KLC4: variants seen among roughly 807,000 people sequenced by gnomAD.
The protein encoded by KLC4 is kinesin-like protein 8.
A neutral mutation model predicts 77.2 loss-of-function variants in KLC4; 49 were observed. That is an observed-to-expected ratio of 0.63 (90% CI 0.50 to 0.80). The LOEUF is 0.80. Ranked by LOEUF, KLC4 falls within the 30% of genes least tolerant of loss-of-function variation. The pLI is 0.00. For missense variants in KLC4, 669 were observed against 793.5 expected (o/e 0.84, Z 1.89); for synonymous variants, 274 against 314.5 (o/e 0.87, Z 1.36).
chr6:43,064,333 G>A (rs1297085400), intron 3 of KLC4, among the ~76,000 whole-genome samples: 1 of 152,188 alleles, frequency 6.6e-6, no homozygotes, highest in African/African-American at 2.4e-5. Context: ...CAGGGAGCCT[G>A]GGCAACATAG....
chr6:43,073,996 G>C (rs1765855499), intron 15 of KLC4, 31 bp downstream of exon 15: 1 of 1,559,878 alleles, frequency 6.4e-7, no homozygotes, highest in African/African-American at 1.4e-5. Flanking sequence ...CATATTGGTG[G>C]GTGAGGAAAA....
intron 2 of KLC4, chr6:43,062,560 C>T (rs571807916): frequency 1.5e-5 from 4 of 264,922 alleles, no homozygotes; most frequent in East Asian, 9.9e-5. Flanking sequence ...TTACTTTGAG[C>T]GAGATGGAAA....
intron 14 of KLC4, 79 bp downstream of exon 14, chr6:43,073,417 G>A (rs937754434): frequency 2.3e-5 from 22 of 949,690 alleles, no homozygotes; most frequent in Non-Finnish European, 3.6e-5. Flanking sequence ...TTGGGAGGCC[G>A]AGGCGGGTGG....
Position 43,074,919 on chromosome 6 carries a change from G to T in KLC4, c.*247G>T. 1.9e-6 allele frequency: 1 copy of T among 528,792 alleles called. No individual in the cohort carries two copies. The highest frequency in any genetic ancestry group is 3.4e-6 in the Non-Finnish European group (1 of 292,646). 32.8% of individuals were successfully genotyped at this position (528,792 alleles called of 1,614,324 possible). On this transcript the variant is annotated 3_prime_UTR_variant, in exon 16 of 16. Transcript: ENST00000347162. ...TAGCTAGCTCTGAGGCCCCAAGGTG[G>T]GTACAAAGCAGGTATGGCCCTCAGA...
intron 4 of KLC4, 96 bp from the exon 5 acceptor site, chr6:43,066,210 G>A (rs1765411943): frequency 9.7e-7 from 1 of 1,026,352 alleles, no homozygotes; most frequent in Non-Finnish European, 1.5e-6. Context: ...GGTTGGGGTG[G>A]GCACAAGTAT....
chr6:43,074,537 G>GT (rs1765885841), intron 15 of KLC4, 85 bp from the exon 16 acceptor site: 2 of 1,123,124 alleles, frequency 1.8e-6, no homozygotes, highest in Non-Finnish European at 2.7e-6. Flanking sequence ...GAGATACACT[G>GT]TGACCATGGG....
At chr6:43,070,315 C>A in intron 6 of KLC4, 39 bp from the exon 7 acceptor site, 1 of 1,477,206 alleles carries the variant, frequency 6.8e-7, no homozygotes, top group Non-Finnish European at 9.5e-7. Flanking sequence ...AGGTCTTTTG[C>A]AACCCAAATG....
chr6:43,063,245 C>G (rs539122466), intron 3 of KLC4, 98 bp downstream of exon 3: 1 of 854,280 alleles, frequency 1.2e-6, no homozygotes, highest in Admixed American at 2.6e-5. Flanking sequence ...TCCATCAGCT[C>G]TACCCAACCT....
intron 6 of KLC4, among the ~76,000 whole-genome samples, chr6:43,068,272 G>T (rs1157524916): frequency 6.6e-6 from 1 of 151,300 alleles, no homozygotes; most frequent in African/African-American, 2.4e-5. Context: ...AGGAGTTCAA[G>T]ACCATCCTGG....
intron 7 of KLC4, 82 bp from the exon 8 acceptor site, chr6:43,070,610 G>A (rs1765668632): frequency 2.0e-6 from 3 of 1,494,742 alleles, no homozygotes; most frequent in East Asian, 2.3e-5. Flanking sequence ...TTCCACATGT[G>A]TGTGCCTACA....
chr6:43,060,240 T>G, intron 1 of KLC4: 2 of 1,614,114 alleles, frequency 1.2e-6, no homozygotes, highest in Non-Finnish European at 1.7e-6. Flanking sequence ...AGTGACCAGG[T>G]GTTCCTCCCT....
At chr6:43,063,257 C>A in intron 3 of KLC4, 110 bp downstream of exon 3, 1 of 760,042 alleles carries the variant, frequency 1.3e-6, no homozygotes, top group Non-Finnish European at 2.1e-6. Context: ...ACCCAACCTG[C>A]TCTCACCTGA....
chr6:43,062,276 C>T (rs757849723), intron 2 of KLC4, among the ~76,000 whole-genome samples: 1 of 152,248 alleles, frequency 6.6e-6, no homozygotes, highest in South Asian at 2.1e-4. Flanking sequence ...GACGGAGTCT[C>T]GCAGTGTTGC....
Position 43,062,951 on chromosome 6 carries a change from T to C in KLC4, c.293T>C (p.Val98Ala), listed in dbSNP as rs1218647017. Residue 98 changes from valine to alanine, a missense_variant, in exon 3 of 16, where the codon GTG (valine) becomes GCG (alanine). By Grantham distance (64) the Val-to-Ala change is moderately conservative (BLOSUM62 0). Coordinates refer to ENST00000347162, the MANE Select transcript of KLC4 (RefSeq NM_201521.3). ...GCTCTAGCCAGCCACCTGAGCACAG[T>C]GGAGTCGGAGAAACAGAAGCTGCGG... ...MLALASHLST[V>A]ESEKQKLRAQ... is the part of the protein sequence containing the mutation. 1 of 1,613,796 alleles carries C rather than the reference T, an allele frequency of 6.2e-7. No individual in the cohort carries two copies. Among genetic ancestry groups the C allele is most frequent in the South Asian group, 1.1e-5 (1 of 91,076 alleles).
At chr6:43,070,510 G>A (rs753119583) in intron 7 of KLC4, 55 bp downstream of exon 7, 104 of 1,468,440 alleles carry the variant, frequency 7.1e-5, no homozygotes, top group Non-Finnish European at 9.5e-5. Flanking sequence ...TCTCTACATG[G>A]CTCCTCTGGT....
intron 3 of KLC4, among the ~76,000 whole-genome samples, chr6:43,064,051 G>A (rs1161861901): frequency 6.6e-6 from 1 of 151,326 alleles, no homozygotes; most frequent in Non-Finnish European, 1.5e-5. Context: ...TGACCAGGCT[G>A]GTCTCAAACT....
chr6:43,063,680 A>G (rs1765281478), intron 3 of KLC4, among the ~76,000 whole-genome samples: 1 of 151,794 alleles, frequency 6.6e-6, no homozygotes, highest in African/African-American at 2.4e-5. Flanking sequence ...CAGCCTCTTG[A>G]GTAGCTAGGA....
At chr6:43,071,670 CT>C in intron 10 of KLC4, 51 bp downstream of exon 10, 1 of 1,560,862 alleles carries the variant, frequency 6.4e-7, no homozygotes, top group Non-Finnish European at 8.8e-7. Context: ...CTACCGGGGT[CT>C]CTGTCTTACT....
At chr6:43,062,684 T>A (rs1765222257) in intron 2 of KLC4, 2 of 563,174 alleles carry the variant, frequency 3.6e-6, no homozygotes, top group South Asian at 4.2e-5. Flanking sequence ...AGTGAGGAAG[T>A]TATTGTAATA....
Sources: gnomAD v4.1 joint callset for allele counts (sites outside exome capture counted in the v4.1 genomes callset) on GRCh38, gnomAD v4.1.1 for gene constraint, MANE v1.5 for transcripts, NCBI Gene and HGNC (gene_info 2026-07-23, HGNC 2026-07-21) for gene names.